HTATIP2: variants seen among roughly 807,000 people sequenced by gnomAD.
HTATIP2 encodes protein HTATIP2.
Under a neutral mutation model 24.7 loss-of-function variants are expected in HTATIP2, and 26 were observed. The ratio of observed to expected loss-of-function variants is 1.05; its 90% CI spans 0.77 to 1.46. The LOEUF is 1.46. Ranked by LOEUF, HTATIP2 falls within the 40% of genes most tolerant of loss-of-function variation. HTATIP2 has a pLI of 0.00. For missense variants in HTATIP2, 284 were observed against 289.6 expected (o/e 0.98, Z 0.14); for synonymous variants, 99 against 113.2 (o/e 0.87, Z 0.79).
chr11:20,364,112 C>T lies in HTATIP2; in HGVS notation c.-126C>T, dbSNP rs2133259893. On this transcript the variant is annotated 5_prime_UTR_variant, in exon 1 of 5. The change creates a premature stop within an existing upstream ORF in the 5' untranslated region. Transcript: ENST00000451739. ...CCCGCACGTGACTCAGCACTTTCCC[C>T]AGAGCCCGGACTGCGGAGAACAATA... The T allele has an allele frequency of 2.8e-6, 4 of 1,438,740 alleles. No homozygotes were observed. The highest frequency in any genetic ancestry group is 1.6e-5 in the South Asian group (1 of 62,904). The allele number at this position is 1,438,740 out of a possible 1,614,324, so 89.1% of individuals were successfully genotyped here.
rs933994600 is a variant in HTATIP2, at chr11:20,366,327, G to A, written c.196-847G>A. Among the ~76,000 whole-genome samples, 7 of 151,462 alleles carry A rather than the reference G, an allele frequency of 4.6e-5. No homozygotes were observed. In the South Asian group the frequency reaches 8.3e-4, roughly 18 times the overall value. The stretch of plus-strand genomic sequence containing the variant: ...TCACCATGTTAGCCAGGATGGTCTC[G>A]ATCTCCTGACCTCGTGATCCACCCA... On this transcript the variant is annotated intron_variant, in intron 1 of 4. Coordinates refer to ENST00000451739, the MANE Select transcript of HTATIP2 (RefSeq NM_001098522.2).
At chr11:20,372,365 G>A (rs919038425) in intron 2 of HTATIP2, among the ~76,000 whole-genome samples, 2 of 152,212 alleles carry the variant, frequency 1.3e-5, no homozygotes, top group East Asian at 1.9e-4. Flanking sequence ...TCAGGCACTG[G>A]TAAAGAAGAT....
intron 2 of HTATIP2, among the ~76,000 whole-genome samples, chr11:20,372,985 G>A (rs904008702): frequency 6.6e-6 from 1 of 152,200 alleles, no homozygotes; most frequent in African/African-American, 2.4e-5. Flanking sequence ...CAGGGTGACG[G>A]AAGTGAAATT....
In HTATIP2 at chr11:20,363,850, T is replaced by A; in HGVS notation, c.-388T>A. On this transcript the variant is annotated 5_prime_UTR_variant, in exon 1 of 5. Coordinates refer to ENST00000451739, the MANE Select transcript of HTATIP2 (RefSeq NM_001098522.2). The stretch of plus-strand genomic sequence containing the variant: ...CGGCGCTGAGCGCGGCGGCGGCGGC[T>A]GCTCTGGCGGCCGCCCTGCTCCTGC... 1 of 1,243,892 alleles carries A rather than the reference T, an allele frequency of 8.0e-7. No individual in the cohort carries two copies. Among genetic ancestry groups the A allele is most frequent in the Non-Finnish European group, 1.0e-6 (1 of 991,162 alleles). 77.1% of individuals were successfully genotyped at this position (1,243,892 alleles called of 1,614,324 possible).
chr11:20,364,276 CTT>C lies in HTATIP2; in HGVS notation c.40_41del (p.Phe14GlnfsTer5), dbSNP rs747538096. The C allele has an allele frequency of 6.2e-6, 10 of 1,612,666 alleles. No homozygotes were observed. In the East Asian group the frequency reaches 2.0e-4, roughly 32 times the overall value. On this transcript the variant is annotated frameshift_variant, in exon 1 of 5. Transcript: ENST00000451739. LOFTEE classifies it high-confidence loss of function. ...TEALSKLRED[F>X]RMQNKSVFIL... is the part of the protein sequence containing the mutation. ...AAGCCCTGTCGAAGCTTCGGGAAGA[CTT>C]CAGGATGCAGAATAAATCCGTCTTT...
chr11:20,382,366 T>C (rs1366406547), intron 4 of HTATIP2, 127 bp downstream of exon 4: 5 of 602,016 alleles, frequency 8.3e-6, no homozygotes, highest in Non-Finnish European at 2.9e-6. Flanking sequence ...TAGAGGTAGA[T>C]TGCTTCTCTG....
rs112257573 is a variant in HTATIP2 at position 20,379,010 on chromosome 11, T to C, written c.441+2293T>C. ...CAAGATCACATCACTGCACTCCAGC[T>C]TGGGGACAGAGTGAGACTCTGTCTC... On this transcript the variant is annotated intron_variant, in intron 3 of 4. Coordinates refer to ENST00000451739, the MANE Select transcript of HTATIP2 (RefSeq NM_001098522.2). Among the ~76,000 whole-genome samples the C allele has an allele frequency of 1.5e-3, 228 of 152,152 alleles. 1 individual carries two copies. Among genetic ancestry groups the C allele is most frequent in the African/African-American group, 5.3e-3 (219 of 41,492 alleles).
chr11:20,380,148 C>T (rs1419788064), intron 3 of HTATIP2, among the ~76,000 whole-genome samples: 1 of 152,332 alleles, frequency 6.6e-6, no homozygotes, highest in Middle Eastern at 3.4e-3. Context: ...TGCAGCCCTC[C>T]AGAAGAAAGG....
At chr11:20,367,788 AC>A (rs907940543) in intron 2 of HTATIP2, 5 of 383,108 alleles carry the variant, frequency 1.3e-5, no homozygotes, top group Non-Finnish European at 1.8e-5. Context: ...CGATGATTCA[AC>A]CCCACTAATG....
intron 2 of HTATIP2, among the ~76,000 whole-genome samples, chr11:20,374,453 G>A (rs887196552): frequency 1.3e-5 from 2 of 152,206 alleles, no homozygotes; most frequent in South Asian, 2.1e-4. Context: ...CTGGGAGGCT[G>A]TAGGACAGAA....
intron 3 of HTATIP2, among the ~76,000 whole-genome samples, chr11:20,381,244 G>C (rs1384438189): frequency 1.3e-5 from 2 of 152,038 alleles, no homozygotes; most frequent in African/African-American, 4.8e-5. Flanking sequence ...TTCGAGACCA[G>C]CCTGGTCAAC....
intron 1 of HTATIP2, among the ~76,000 whole-genome samples, chr11:20,365,152 T>A (rs1308341893): frequency 6.6e-6 from 1 of 152,036 alleles, no homozygotes; most frequent in African/African-American, 2.4e-5. Flanking sequence ...CCTGGCTAAC[T>A]TTTGTATTTT....
At chr11:20,368,314 C>T (rs1371654413) in intron 2 of HTATIP2, among the ~76,000 whole-genome samples, 3 of 152,196 alleles carry the variant, frequency 2.0e-5, no homozygotes, top group South Asian at 2.1e-4. Flanking sequence ...TTATACCAAC[C>T]GAGTAGTTAG....
In HTATIP2 at chr11:20,363,730, C is replaced by T; in HGVS notation, c.-508C>T. 8.1e-7 allele frequency: 1 copy of T among 1,232,022 alleles called. No homozygotes were observed. Among genetic ancestry groups the T allele is most frequent in the Non-Finnish European group, 1.0e-6 (1 of 986,054 alleles). The allele number at this position is 1,232,022 out of a possible 1,614,324, so 76.3% of individuals were successfully genotyped here. A position where few individuals can be genotyped will look rare whatever the true frequency, so the allele number is the denominator to read the frequency against. On this transcript the variant is annotated 5_prime_UTR_variant, in exon 1 of 5. Coordinates refer to ENST00000451739, the MANE Select transcript of HTATIP2 (RefSeq NM_001098522.2). The stretch of plus-strand genomic sequence containing the variant: ...GGGCGAGGCAGCGTCGCCGCGAGGC[C>T]ACCCGGAAGACCAAGCCGGGTAGGC...
rs112368564 is a variant in HTATIP2 at position 20,367,212 on chromosome 11, C to T, written c.234C>T (p.Tyr78=). 152 of 1,614,060 alleles carry T rather than the reference C, an allele frequency of 9.4e-5. No homozygotes were observed. In the East Asian group the frequency reaches 1.3e-3, roughly 14 times the overall value. The stretch of plus-strand genomic sequence containing the variant: ...TGGACTTTGAAAAGTTGGATGACTA[C>T]GCCTCTGCCTTTCAAGGTCATGATG... ...EVVDFEKLDD[Y]ASAFQGHDVG... is the part of the protein sequence containing the mutation. Residue 78 remains tyrosine (Y), a synonymous_variant, in exon 2 of 5, where the codon TAC becomes TAT. Coordinates refer to ENST00000451739, the MANE Select transcript of HTATIP2 (RefSeq NM_001098522.2).
At chr11:20,379,830 C>G (rs1399199480) in intron 3 of HTATIP2, among the ~76,000 whole-genome samples, 4 of 152,174 alleles carry the variant, frequency 2.6e-5, no homozygotes, top group African/African-American at 9.7e-5. Flanking sequence ...GAGGGATCCT[C>G]AAAGACACCC....
chr11:20,377,771 T>C (rs1487666523), intron 3 of HTATIP2, among the ~76,000 whole-genome samples: 1 of 152,258 alleles, frequency 6.6e-6, no homozygotes, highest in Non-Finnish European at 1.5e-5. Flanking sequence ...AAATTTATTG[T>C]TATGTAAATA....
At position 20,366,237 on chromosome 11, in the gene HTATIP2, A is replaced by G. The variant is rs528794231; in HGVS notation, c.196-937A>G. Among the ~76,000 whole-genome samples, 1,467 of 150,388 alleles carry G rather than the reference A, an allele frequency of 9.8e-3. 26 individuals are homozygous for G. The highest frequency in any genetic ancestry group is 0.034 in the African/African-American group (1,395 of 40,934). On this transcript the variant is annotated intron_variant, in intron 1 of 4. Coordinates refer to ENST00000451739, the MANE Select transcript of HTATIP2 (RefSeq NM_001098522.2). Reference sequence around the variant, plus strand: ...CTGCCTCAGCCTCCCGAGTAGCTGCAACTACAGGTGCCTACCACCACAACC... The same window carrying G: ...CTGCCTCAGCCTCCCGAGTAGCTGCGACTACAGGTGCCTACCACCACAACC...
At chr11:20,368,549 G>A (rs949763773) in intron 2 of HTATIP2, among the ~76,000 whole-genome samples, 3 of 152,200 alleles carry the variant, frequency 2.0e-5, no homozygotes, top group African/African-American at 7.2e-5. Flanking sequence ...GCTTAACAGT[G>A]GGTGCAGTCT....
Sources: allele counts gnomAD v4.1 joint callset (sites outside exome capture counted in the v4.1 genomes callset), GRCh38; gene constraint gnomAD v4.1.1; transcripts MANE v1.5; gene names NCBI Gene and HGNC (gene_info 2026-07-23, HGNC 2026-07-21).